The following PEX14 variants were observed in gnomAD, a reference collection of about 807,000 sequenced individuals.
PEX14 encodes the protein peroxisomal membrane protein PEX14.
PEX14 carries 15 observed loss-of-function variants against 49.5 expected under a neutral mutation model. The observed-to-expected ratio is 0.30, with a 90% CI of 0.20 to 0.47. The LOEUF (loss-of-function observed/expected upper bound fraction) is 0.47. PEX14 is among the 20% of genes least tolerant of loss of function. The pLI, the probability that PEX14 is intolerant of heterozygous loss-of-function variation, is 1.00. For missense variants in PEX14, 398 were observed against 494.8 expected (o/e 0.80, Z 1.86); for synonymous variants, 210 against 212.7 (o/e 0.99, Z 0.11).
intron 2 of PEX14, among the ~76,000 whole-genome samples, chr1:10,497,118 C>T (rs1343654667): frequency 2.0e-5 from 3 of 152,102 alleles, no homozygotes; most frequent in African/African-American, 7.2e-5. Flanking sequence ...ATATTAAACT[C>T]CCACAGTCTC....
intron 5 of PEX14, among the ~76,000 whole-genome samples, chr1:10,620,631 T>C (rs1041654352): frequency 2.0e-4 from 30 of 151,870 alleles, no homozygotes; most frequent in African/African-American, 6.8e-4. Context: ...CTACTGATAA[T>C]ACAAAAATTA....
chr1:10,558,367 C>T (rs1277554567), intron 3 of PEX14, among the ~76,000 whole-genome samples: 3 of 151,924 alleles, frequency 2.0e-5, no homozygotes, highest in Admixed American at 1.3e-4. Flanking sequence ...CTTGATCCCA[C>T]CCCACCCCTA....
intron 2 of PEX14, among the ~76,000 whole-genome samples, chr1:10,507,063 T>C (rs919039608): frequency 1.3e-5 from 2 of 152,226 alleles, no homozygotes; most frequent in African/African-American, 4.8e-5. Context: ...TATTCTGGCC[T>C]CGCTGTTGGT....
intron 2 of PEX14, among the ~76,000 whole-genome samples, chr1:10,534,615 G>A (rs954659960): frequency 1.3e-5 from 2 of 152,068 alleles, no homozygotes; most frequent in African/African-American, 4.8e-5. Flanking sequence ...AGAATCTCGA[G>A]CATTCATTTT....
At chr1:10,621,342 CTTTTTTTTTTTTT>C (rs930417764) in intron 5 of PEX14, among the ~76,000 whole-genome samples, 1 of 108,028 alleles carries the variant, frequency 9.3e-6, no homozygotes, top group African/African-American at 3.6e-5. Flanking sequence ...TATATGAATT[CTTTTTTTTTTTTT>C]TTTTTTTTTG....
chr1:10,610,935 T>C (rs760847737), intron 4 of PEX14, among the ~76,000 whole-genome samples: 1 of 152,106 alleles, frequency 6.6e-6, no homozygotes, highest in Non-Finnish European at 1.5e-5. Context: ...CCCTTTCCCA[T>C]GACCACAATT....
In PEX14 at chr1:10,630,265, G is replaced by A. The variant is rs1003972620; in HGVS notation, c.*278G>A. 15 of 563,446 alleles carry A rather than the reference G, an allele frequency of 2.7e-5. No individual in the cohort carries two copies. The highest frequency in any genetic ancestry group is 9.3e-5 in the Admixed American group (3 of 32,342). The allele number at this position is 563,446 out of a possible 1,614,324, so 34.9% of individuals were successfully genotyped here. On this transcript the variant is annotated 3_prime_UTR_variant, in exon 9 of 9. Coordinates refer to ENST00000356607, the MANE Select transcript of PEX14 (RefSeq NM_004565.3). The surrounding 1 kb of genome is among the most constrained non-coding windows in gnomAD (Gnocchi z 4.1). ...GTCAGGCTGAAGGCAGCGAAGCCTC[G>A]GGGCCCAAGCCCCTCCCCAGCCCCC...
At chr1:10,481,797 G>A (rs1383651491) in intron 1 of PEX14, among the ~76,000 whole-genome samples, 1 of 149,274 alleles carries the variant, frequency 6.7e-6, no homozygotes, top group Non-Finnish European at 1.5e-5. Context: ...GAATGTGTTT[G>A]GCCATTTATT....
chr1:10,562,893 ATTTTCTTT>A (rs1453883948), intron 3 of PEX14, among the ~76,000 whole-genome samples: 1 of 146,148 alleles, frequency 6.8e-6, no homozygotes, highest in African/African-American at 2.5e-5. Flanking sequence ...CTGAATGGTG[ATTTTCTTT>A]TTTTCTTTCT....
At chr1:10,543,358 A>G (rs1639074568) in intron 3 of PEX14, among the ~76,000 whole-genome samples, 1 of 150,130 alleles carries the variant, frequency 6.7e-6, no homozygotes, top group Non-Finnish European at 1.5e-5. Flanking sequence ...CTGGTCTTGA[A>G]CTCCTGATCT....
chr1:10,588,247 A>G (rs567218130), intron 3 of PEX14, among the ~76,000 whole-genome samples: 2 of 152,122 alleles, frequency 1.3e-5, no homozygotes, highest in African/African-American at 2.4e-5. Flanking sequence ...GAGTCTCACT[A>G]TGTTGCCTAG....
At chr1:10,620,481 C>T (rs1014613228) in intron 5 of PEX14, among the ~76,000 whole-genome samples, 2 of 151,782 alleles carry the variant, frequency 1.3e-5, no homozygotes, top group African/African-American at 4.8e-5. Context: ...GAAGGAGACC[C>T]TGTCTCAATT....
chr1:10,530,187 A>G (rs1473560506), intron 2 of PEX14, among the ~76,000 whole-genome samples: 1 of 152,204 alleles, frequency 6.6e-6, no homozygotes, highest in Non-Finnish European at 1.5e-5. Flanking sequence ...AGAGAAGGGG[A>G]AAGAGTACAA....
intron 3 of PEX14, among the ~76,000 whole-genome samples, chr1:10,541,747 A>G (rs748108671): frequency 4.0e-5 from 6 of 151,616 alleles, no homozygotes; most frequent in Non-Finnish European, 8.8e-5. Flanking sequence ...CTTGCCTTGA[A>G]CTCCACAGAT....
At chr1:10,616,977 C>G (rs1570357145) in intron 4 of PEX14, 1 of 151,910 alleles carries the variant, frequency 6.6e-6, no homozygotes, top group East Asian at 1.9e-4. Context: ...ATGGTGACCT[C>G]CTGGAGCAGG....
At chr1:10,480,864 TA>T (rs1249917177) in intron 1 of PEX14, among the ~76,000 whole-genome samples, 81 of 141,660 alleles carry the variant, frequency 5.7e-4, no homozygotes, top group Admixed American at 2.5e-3. Flanking sequence ...TCTCTCTATA[TA>T]TATATTTTTT....
chr1:10,574,566 C>G (rs1442888201), intron 3 of PEX14, among the ~76,000 whole-genome samples: 1 of 152,054 alleles, frequency 6.6e-6, no homozygotes, highest in African/African-American at 2.4e-5. Flanking sequence ...TTAGAACTTG[C>G]AAATCACATT....
intron 2 of PEX14, among the ~76,000 whole-genome samples, chr1:10,519,228 C>T (rs537623266): frequency 6.6e-6 from 1 of 152,282 alleles, no homozygotes; most frequent in Non-Finnish European, 1.5e-5. Context: ...AGATCAGACC[C>T]TCCTATTAGG....
intron 2 of PEX14, among the ~76,000 whole-genome samples, chr1:10,535,274 C>T (rs755739536): frequency 6.6e-6 from 1 of 152,208 alleles, no homozygotes; most frequent in African/African-American, 2.4e-5. Flanking sequence ...ACACACTTCG[C>T]GTGTGCTGAG....
Sources: gnomAD v4.1 joint callset for allele counts (sites outside exome capture counted in the v4.1 genomes callset) on GRCh38, gnomAD v4.1.1 for gene constraint, Gnocchi (gnomAD v3.1) non-coding constraint, MANE v1.5 for transcripts, NCBI Gene and HGNC (gene_info 2026-07-23, HGNC 2026-07-21) for gene names.